Variants in NHSL1 observed in about 807,000 individuals in gnomAD.
The protein encoded by NHSL1 is NHS like 1.
In NHSL1, 48 loss-of-function variants were observed where a neutral mutation model predicts 95.0. That is an observed-to-expected ratio of 0.51 (90% confidence interval 0.40 to 0.64). NHSL1 has a LOEUF of 0.64. Ranked by LOEUF, NHSL1 falls within the 30% of genes least tolerant of loss-of-function variation. The pLI, the probability that NHSL1 is intolerant of heterozygous loss-of-function variation, is 0.00. For synonymous variants in NHSL1, 783 were observed against 833.9 expected (o/e 0.94, Z 1.05); for missense variants, 1,971 against 2,077.7 (o/e 0.95, Z 1.00).
At chr6:138,467,396 C>T (rs1248108001) in intron 3 of NHSL1, among the ~76,000 whole-genome samples, 1 of 152,226 alleles carries the variant, frequency 6.6e-6, no homozygotes, top group Non-Finnish European at 1.5e-5. Context: ...TCATGATCCG[C>T]CCGCCTCGGC....
rs1032309298 is a variant in NHSL1 at position 138,431,061 on chromosome 6, C to T, written c.3284G>A (p.Arg1095Gln). Residue 1095 changes from arginine to glutamine, a missense_variant, in exon 6 of 8, where the codon CGA becomes CAA. Physicochemically the swap from Arg to Gln is conservative, Grantham distance 43. Around this residue, in one of 3 missense-constraint regions of NHSL1, gnomAD observed 1,602 missense variants for 1,654.5 expected, o/e 0.97. Coordinates refer to ENST00000343505, the MANE Select transcript of NHSL1 (RefSeq NM_001144060.2). This position sits in a 1 kb window ranked among gnomAD's most constrained non-coding sequence, Gnocchi z 4.0. The stretch of plus-strand genomic sequence containing the variant: ...TGGAGTTCGTTGTTCCTGAGCTGTT[C>T]GTTCAGACAACTGTGCCGCCTCAGC... Reference protein sequence around the residue: ...SGAEAAQLSERTAQEQRTPVA... With the variant: ...SGAEAAQLSEQTAQEQRTPVA... 41 of 1,551,900 alleles carry T rather than the reference C, an allele frequency of 2.6e-5. No homozygotes were observed. Among genetic ancestry groups the T allele is most frequent in the Non-Finnish European group, 3.4e-5 (39 of 1,147,084 alleles).
upstream of NHSL1, among the ~76,000 whole-genome samples, chr6:138,574,220 C>T (rs1016863263): frequency 6.0e-4 from 91 of 152,250 alleles, no homozygotes; most frequent in Admixed American, 1.3e-3. Context: ...CGTGAGCCAC[C>T]GCACCCAGAT....
Position 138,692,083 on chromosome 6 carries a change from T to C in NHSL1, c.96+393A>G, listed in dbSNP as rs1179594640. Reference sequence around the variant, plus strand: ...ACTGTAACTACTATATGCCCAAATTTATATTCTCCCCTGGCTTTTCCAACA... The same window carrying C: ...ACTGTAACTACTATATGCCCAAATTCATATTCTCCCCTGGCTTTTCCAACA... On this transcript the variant is annotated intron_variant, in intron 1 of 3. Transcript: ENST00000491526. The surrounding 1 kb of genome is among the most constrained non-coding windows in gnomAD (Gnocchi z 4.0). 2 of 456,290 alleles carry C rather than the reference T, an allele frequency of 4.4e-6. No individual in the cohort carries two copies. The highest frequency in any genetic ancestry group is 8.8e-6 in the Non-Finnish European group (2 of 226,930). 28.3% of individuals were successfully genotyped at this position (456,290 alleles called of 1,614,324 possible). A position where few individuals can be genotyped will look rare whatever the true frequency, so the allele number is the denominator to read the frequency against.
chr6:138,639,379 C>G (rs987244637), intron 1 of NHSL1, among the ~76,000 whole-genome samples: 9 of 152,000 alleles, frequency 5.9e-5, no homozygotes, highest in African/African-American at 1.5e-4. Context: ...TGGCTCACGC[C>G]TGTAATCCCA....
intron 1 of NHSL1, among the ~76,000 whole-genome samples, chr6:138,629,675 G>A (rs749418018): frequency 6.6e-6 from 1 of 152,168 alleles, no homozygotes; most frequent in African/African-American, 2.4e-5. Context: ...GAGCCACCAC[G>A]CCCGGCCTTA....
intron 1 of NHSL1, among the ~76,000 whole-genome samples, chr6:138,570,131 T>C (rs1002073767): frequency 6.6e-6 from 1 of 152,260 alleles, no homozygotes; most frequent in Non-Finnish European, 1.5e-5. Flanking sequence ...GTTCCTTTAA[T>C]GCTAATTCAG....
chr6:138,557,589 A>G (rs867736779), intron 1 of NHSL1, among the ~76,000 whole-genome samples: 4 of 152,256 alleles, frequency 2.6e-5, no homozygotes, highest in Non-Finnish European at 5.9e-5. Flanking sequence ...AGATCTCTAC[A>G]ATATTCAGCG....
chr6:138,437,375 C>CATATATACAT (rs1554222055), intron 5 of NHSL1, among the ~76,000 whole-genome samples: 1 of 36,174 alleles, frequency 2.8e-5, no homozygotes, highest in Non-Finnish European at 5.1e-5. Flanking sequence ...TATATATACA[C>CATATATACAT]ATATATATAT....
At chr6:138,618,593 GT>G (rs931336002) in intron 1 of NHSL1, among the ~76,000 whole-genome samples, 5 of 151,600 alleles carry the variant, frequency 3.3e-5, no homozygotes, top group African/African-American at 9.7e-5. Flanking sequence ...CACAAAATCA[GT>G]TTTTTTTTAA....
intron 1 of NHSL1, among the ~76,000 whole-genome samples, chr6:138,641,276 G>A (rs1354657280): frequency 3.3e-5 from 5 of 152,172 alleles, no homozygotes; most frequent in Non-Finnish European, 7.3e-5. Context: ...ATACACAGAG[G>A]AAAACACCAA....
At chr6:138,627,868 A>AAG (rs1784763526) in intron 1 of NHSL1, among the ~76,000 whole-genome samples, 1 of 151,940 alleles carries the variant, frequency 6.6e-6, no homozygotes, top group African/African-American at 2.4e-5. Context: ...GCGACAGAAC[A>AAG]AGACTCCGTC....
chr6:138,543,321 T>C (rs1054843089), intron 1 of NHSL1, among the ~76,000 whole-genome samples: 1 of 152,122 alleles, frequency 6.6e-6, no homozygotes, highest in East Asian at 1.9e-4. Context: ...AGCTGATGTA[T>C]CTGAGATACT....
rs111769661 is a variant in NHSL1 at position 138,660,551 on chromosome 6, G to C, written c.96+31925C>G. Among the ~76,000 whole-genome samples, 345 of 151,870 alleles carry C rather than the reference G, an allele frequency of 2.3e-3. 5 individuals are homozygous for C. Among genetic ancestry groups the C allele is most frequent in the African/African-American group, 7.7e-3 (321 of 41,422 alleles). The stretch of plus-strand genomic sequence containing the variant: ...TACCACCACCAAGGCTGAGGCAGGA[G>C]AATGGCATGAACCCGGGAGGTGGAG... On this transcript the variant is annotated intron_variant, in intron 1 of 3. Transcript: ENST00000491526.
At chr6:138,578,287 C>T (rs1261870985) in intron 1 of NHSL1, among the ~76,000 whole-genome samples, 3 of 152,190 alleles carry the variant, frequency 2.0e-5, no homozygotes, top group Admixed American at 6.5e-5. Context: ...GCACTGTCCC[C>T]ATGGGATCAC....
At chr6:138,459,578 T>A (rs1411037859) in intron 3 of NHSL1, among the ~76,000 whole-genome samples, 2 of 152,222 alleles carry the variant, frequency 1.3e-5, no homozygotes, top group African/African-American at 4.8e-5. Context: ...CTGCACTTTT[T>A]ACACTACAGC....
At chr6:138,615,435 T>C (rs1479448542) in intron 1 of NHSL1, among the ~76,000 whole-genome samples, 1 of 152,344 alleles carries the variant, frequency 6.6e-6, no homozygotes, top group Non-Finnish European at 1.5e-5. Flanking sequence ...AAACACCTTT[T>C]TTATATGGAA....
chr6:138,687,163 G>A lies in NHSL1; in HGVS notation c.96+5313C>T, dbSNP rs542123958. Among the ~76,000 whole-genome samples the A allele has an allele frequency of 1.1e-3, 174 of 152,086 alleles. 2 individuals carry two copies. The highest frequency in any genetic ancestry group is 3.8e-3 in the African/African-American group (159 of 41,492). On this transcript the variant is annotated intron_variant, in intron 1 of 3. Coordinates refer to the NHSL1 transcript ENST00000491526. The stretch of plus-strand genomic sequence containing the variant: ...TATTCTTATGCAGTCAGTCAGACAC[G>A]GTGGCTCACACCAGTAATCCCAGCT...
At position 138,627,152 on chromosome 6, in the gene NHSL1, G is replaced by T. The variant is rs1214002447; in HGVS notation, c.96+65324C>A. Among the ~76,000 whole-genome samples the T allele has an allele frequency of 3.3e-5, 5 of 152,188 alleles. No homozygotes were observed. The East Asian group carries it at 9.6e-4, about 29-fold the overall frequency. On this transcript the variant is annotated intron_variant, in intron 1 of 3. Transcript: ENST00000491526. Reference sequence around the variant, plus strand: ...GCTCTCTGCAAAAATACCAAACTATGTCAAACCTGTTCCCAAAAGGAAGAG... The same window carrying T: ...GCTCTCTGCAAAAATACCAAACTATTTCAAACCTGTTCCCAAAAGGAAGAG...
chr6:138,431,989 AG>A lies in NHSL1; in HGVS notation c.2355del (p.Tyr786ThrfsTer84). ...CCCGGATCTTCCTGCATGCCCGTGTAGTCAATGTAATAACCCCAGGGGTCCG... is the reference window on the plus strand; with the variant it reads ...CCCGGATCTTCCTGCATGCCCGTGTATCAATGTAATAACCCCAGGGGTCCG... ...EYTDPWGYYI[D>X]YTGMQEDPGN... is the part of the protein sequence containing the mutation. On this transcript the variant is annotated frameshift_variant, in exon 6 of 8. Transcript: ENST00000343505. LOFTEE classifies it high-confidence loss of function. This position sits in a 1 kb window ranked among gnomAD's most constrained non-coding sequence, Gnocchi z 4.0. The A allele has an allele frequency of 6.4e-7, 1 of 1,551,716 alleles. No individual in the cohort carries two copies. Among genetic ancestry groups the A allele is most frequent in the Non-Finnish European group, 8.7e-7 (1 of 1,146,998 alleles).
Sources: allele counts gnomAD v4.1 joint callset (sites outside exome capture counted in the v4.1 genomes callset), GRCh38; gene constraint gnomAD v4.1.1; regional missense constraint gnomAD v4.1.1; non-coding constraint Gnocchi (gnomAD v3.1); transcripts MANE v1.5; gene names NCBI Gene and HGNC (gene_info 2026-07-23, HGNC 2026-07-21).